CDC20B: variants seen among roughly 807,000 people sequenced by gnomAD.
CDC20B encodes cell division cycle 20B, also known as cell division cycle protein 20 homolog B.
In CDC20B, 58 loss-of-function variants were observed where a neutral mutation model predicts 64.1. The ratio of observed to expected loss-of-function variants is 0.90; its 90% CI spans 0.73 to 1.13. The LOEUF is 1.13. CDC20B is among the 50% of genes most tolerant of loss of function. CDC20B has a pLI of 0.00. For synonymous variants in CDC20B, 243 were observed against 230.6 expected (o/e 1.05, Z -0.49); for missense variants, 597 against 633.0 (o/e 0.94, Z 0.61).
intron 2 of CDC20B, chr5:55,160,123 AAGCCGGTTTCAAGTTTC>A: frequency 8.6e-7 from 1 of 1,169,016 alleles, no homozygotes; most frequent in Non-Finnish European, 1.3e-6. Context: ...CCGTTAAACT[AAGCCGGTTTCAAGTTTC>A]AGCTCCTCCT....
chr5:55,164,276 T>C, intron 2 of CDC20B: 1 of 1,326,770 alleles, frequency 7.5e-7, no homozygotes, highest in South Asian at 2.1e-5. Flanking sequence ...TTTGGTCTCA[T>C]TTTAAACATT....
At chr5:55,128,357 A>G in intron 7 of CDC20B, 64 bp downstream of exon 7, 1 of 1,311,612 alleles carries the variant, frequency 7.6e-7, no homozygotes, top group Non-Finnish European at 1.0e-6. Context: ...CTTGTTATTA[A>G]AAGTCAATTA....
intron 4 of CDC20B, among the ~76,000 whole-genome samples, chr5:55,143,129 A>G (rs77251251): frequency 0.021 from 3,214 of 152,300 alleles, 135 homozygotes; most frequent in African/African-American, 0.073. Context: ...AACTTTTCCT[A>G]AGAGACCCCA....
intron 8 of CDC20B, among the ~76,000 whole-genome samples, chr5:55,125,519 T>C (rs1420401439): frequency 6.6e-6 from 1 of 152,228 alleles, no homozygotes; most frequent in Admixed American, 6.5e-5. Flanking sequence ...TTCTTAGTTT[T>C]GCTAAAGAAC....
chr5:55,160,897 T>G (rs1339862982), intron 2 of CDC20B: 2 of 1,255,484 alleles, frequency 1.6e-6, no homozygotes, highest in African/African-American at 1.5e-5. Flanking sequence ...TCAGAGGTTA[T>G]AGTCCCCCCC....
At position 55,114,377 on chromosome 5, in the gene CDC20B, GACTGTA is replaced by G; in HGVS notation, c.1460-65_1460-60del. The G allele has an allele frequency of 6.4e-7, 1 of 1,570,106 alleles. No individual in the cohort carries two copies. Among genetic ancestry groups the G allele is most frequent in the Non-Finnish European group, 8.6e-7 (1 of 1,157,510 alleles). ...CCACGTTACATGGGCTGCTGCTCAGGACTGTAGGCAATGTAAGTTGGGGCCATGAGT... is the reference window on the plus strand; with the variant it reads ...CCACGTTACATGGGCTGCTGCTCAGGGGCAATGTAAGTTGGGGCCATGAGT... On this transcript the variant is annotated intron_variant, in intron 11 of 11. Coordinates refer to ENST00000381375, the MANE Select transcript of CDC20B (RefSeq NM_001170402.1). The surrounding 1 kb of genome is among the most constrained non-coding windows in gnomAD (Gnocchi z 4.1).
At chr5:55,122,819 T>C (rs10073140) in intron 9 of CDC20B, among the ~76,000 whole-genome samples, 5,151 of 152,246 alleles carry the variant, frequency 0.034, 313 homozygotes, top group African/African-American at 0.12. Context: ...CCCAGGCAGC[T>C]GGCAAACAAG....
rs779908300 is a variant in CDC20B at position 55,133,533 on chromosome 5, A to G, written c.581-5T>C. On this transcript the variant is annotated splice_polypyrimidine_tract_variant and splice_region_variant and intron_variant, in intron 5 of 11. Coordinates refer to ENST00000381375, the MANE Select transcript of CDC20B (RefSeq NM_001170402.1). ...CTCTGACTCCATCTTTGCAGCCTAC[A>G]AGAAACAAACACTTCTACACAGCTC... 6.9e-7 allele frequency: 1 copy of G among 1,452,204 alleles called. No individual in the cohort carries two copies. The highest frequency in any genetic ancestry group is 1.3e-5 in the South Asian group (1 of 77,040). 90.0% of individuals were successfully genotyped at this position (1,452,204 alleles called of 1,614,324 possible).
chr5:55,153,456 C>A (rs1229270664), intron 2 of CDC20B, among the ~76,000 whole-genome samples: 2 of 151,896 alleles, frequency 1.3e-5, no homozygotes, highest in Non-Finnish European at 2.9e-5. Context: ...CAAAACATGA[C>A]AAATAAGAAA....
At chr5:55,123,581 C>T (rs569303308) in intron 9 of CDC20B, among the ~76,000 whole-genome samples, 3 of 152,078 alleles carry the variant, frequency 2.0e-5, no homozygotes, top group Admixed American at 6.5e-5. Flanking sequence ...TCAGTGATTC[C>T]CCAGGTGCTG....
In CDC20B at chr5:55,146,807, G is replaced by A. The variant is rs1214378473; in HGVS notation, c.176C>T (p.Ala59Val). ...AGGAACCTCTGCGGACAGCCTCTTC[G>A]CAAAGTTGCTCTTAAAGTCAGAATA... ...ATYSDFKSNFAKRLSAEVPVA... is the reference protein window; with the variant it reads ...ATYSDFKSNFVKRLSAEVPVA... The change falls in exon 3 of 12, where the codon GCG (alanine) becomes GTG (valine). Residue 59 changes from alanine to valine, a missense_variant. Ala to Val is a moderately conservative substitution (Grantham distance 64, BLOSUM62 0). Around this residue, in one of 3 missense-constraint regions of CDC20B, gnomAD observed 241 missense variants for 219.2 expected, o/e 1.10. Coordinates refer to ENST00000381375, the MANE Select transcript of CDC20B (RefSeq NM_001170402.1). 1.2e-6 allele frequency: 2 copies of A among 1,614,084 alleles called. No homozygotes were observed. Among genetic ancestry groups the A allele is most frequent in the African/African-American group, 2.7e-5 (2 of 75,006 alleles).
At chr5:55,129,573 G>C (rs1228379364) in intron 6 of CDC20B, among the ~76,000 whole-genome samples, 1 of 152,194 alleles carries the variant, frequency 6.6e-6, no homozygotes, top group Non-Finnish European at 1.5e-5. Flanking sequence ...AAAGCCAAAA[G>C]AAAGAGATCC....
At chr5:55,137,383 A>G in intron 5 of CDC20B, 1 of 343,710 alleles carries the variant, frequency 2.9e-6, no homozygotes, top group South Asian at 2.3e-5. Context: ...TGCCTGCTGT[A>G]AGGTTTCAGA....
chr5:55,147,768 T>C (rs888292997), intron 2 of CDC20B, among the ~76,000 whole-genome samples: 4 of 152,134 alleles, frequency 2.6e-5, no homozygotes, highest in African/African-American at 9.7e-5. Flanking sequence ...GTGTAAAATA[T>C]GACATATGAT....
chr5:55,162,199 T>C (rs1458858792), intron 2 of CDC20B, among the ~76,000 whole-genome samples: 1 of 150,752 alleles, frequency 6.6e-6, no homozygotes, highest in African/African-American at 2.4e-5. Flanking sequence ...AGTTAGAGAC[T>C]AGCCTGGCCA....
intron 2 of CDC20B, chr5:55,160,558 T>G: frequency 1.7e-6 from 1 of 583,204 alleles, no homozygotes; most frequent in Non-Finnish European, 3.0e-6. Context: ...TTCTGATAGT[T>G]TGCTTCTAAA....
chr5:55,158,547 G>C (rs1720853254), intron 2 of CDC20B, among the ~76,000 whole-genome samples: 1 of 152,100 alleles, frequency 6.6e-6, no homozygotes. Flanking sequence ...AAACACACAT[G>C]CCACAGAGCG....
chr5:55,121,287 T>C lies in CDC20B; in HGVS notation c.1216-737A>G, dbSNP rs543617830. 3.2e-3 allele frequency among the ~76,000 whole-genome samples: 491 copies of C among 152,238 alleles called. 5 individuals carry two copies. The highest frequency in any genetic ancestry group is 0.011 in the African/African-American group (467 of 41,528). ...ATTTTATAAAGTAGCAAACATCGTGTTTATACTATTTGATTATTTTCTGTT... is the reference window on the plus strand; with the variant it reads ...ATTTTATAAAGTAGCAAACATCGTGCTTATACTATTTGATTATTTTCTGTT... On this transcript the variant is annotated intron_variant, in intron 9 of 11. Coordinates refer to ENST00000381375, the MANE Select transcript of CDC20B (RefSeq NM_001170402.1).
chr5:55,115,894 GCACACACACACCACA>G (rs1345688868), intron 11 of CDC20B, among the ~76,000 whole-genome samples: 3 of 151,706 alleles, frequency 2.0e-5, no homozygotes, highest in Admixed American at 6.6e-5. Flanking sequence ...ACACACACAC[GCACACACACACCACA>G]CACACACGCA....
Sources: allele counts gnomAD v4.1 joint callset (sites outside exome capture counted in the v4.1 genomes callset), GRCh38; gene constraint gnomAD v4.1.1; regional missense constraint gnomAD v4.1.1; non-coding constraint Gnocchi (gnomAD v3.1); transcripts MANE v1.5; gene names NCBI Gene and HGNC (gene_info 2026-07-23, HGNC 2026-07-21).